Variants in RFX3 observed in about 807,000 individuals in gnomAD.
RFX3 encodes regulatory factor X3.
In RFX3, 14 loss-of-function variants were observed where a neutral mutation model predicts 98.6. The ratio of observed to expected loss-of-function variants is 0.14; its 90% confidence interval spans 0.09 to 0.22. The LOEUF (loss-of-function observed/expected upper bound fraction) is 0.22. RFX3 is among the 10% of genes least tolerant of loss of function. RFX3 has a pLI of 1.00. For missense variants in RFX3, 639 were observed against 926.9 expected, an observed-to-expected ratio of 0.69 and a Z score of 4.03; for synonymous variants, 383 against 328.4, an observed-to-expected ratio of 1.17 and a Z score of -1.80.
intron 14 of RFX3, among the ~76,000 whole-genome samples, chr9:3,252,336 A>G (rs1215966293): frequency 6.6e-6 from 1 of 152,226 alleles, no homozygotes; most frequent in Admixed American, 6.5e-5. Context: ...GACAGTTGGT[A>G]AATACACAAG....
At chr9:3,499,955 C>G (rs1040076798) in intron 1 of RFX3, among the ~76,000 whole-genome samples, 4 of 152,092 alleles carry the variant, frequency 2.6e-5, no homozygotes, top group African/African-American at 9.7e-5. Flanking sequence ...AATAACCTGT[C>G]AACTGCACTA....
chr9:3,244,306 T>A (rs537966105), intron 15 of RFX3, among the ~76,000 whole-genome samples: 1 of 152,150 alleles, frequency 6.6e-6, no homozygotes, highest in African/African-American at 2.4e-5. Flanking sequence ...AAGCCCGGCC[T>A]CTTATTTCAT....
In RFX3 at chr9:3,330,564, T is replaced by C. The variant is rs762248008; in HGVS notation, c.216-47A>G. On this transcript the variant is annotated intron_variant, in intron 3 of 16. Transcript: ENST00000617270. ...GAAATTTACTAGCTTATTTATGTCA[T>C]CTTATTAATTTTTTTCTAATATGAA... The C allele has an allele frequency of 4.6e-6, 7 of 1,527,624 alleles. No homozygotes were observed. In the South Asian group the frequency reaches 7.4e-5, roughly 16 times the overall value. 94.6% of individuals were successfully genotyped at this position (1,527,624 alleles called of 1,614,324 possible).
chr9:3,292,940 G>A, intron 6 of RFX3, 137 bp downstream of exon 6: 1 of 588,242 alleles, frequency 1.7e-6, no homozygotes, highest in South Asian at 3.0e-5. Context: ...TTTTCCTGGG[G>A]ATGTTATAAA....
At chr9:3,308,763 G>A (rs1001013722) in intron 4 of RFX3, among the ~76,000 whole-genome samples, 1 of 152,114 alleles carries the variant, frequency 6.6e-6, no homozygotes, top group Non-Finnish European at 1.5e-5. Flanking sequence ...CCACCCCCAT[G>A]CCATGACTGT....
intron 1 of RFX3, among the ~76,000 whole-genome samples, chr9:3,420,182 T>A (rs1190259114): frequency 7.2e-5 from 11 of 152,130 alleles, no homozygotes. Context: ...TCTTCCAGAT[T>A]TTTGCACTGA....
At chr9:3,281,321 G>C (rs1825886350) in intron 7 of RFX3, among the ~76,000 whole-genome samples, 2 of 146,076 alleles carry the variant, frequency 1.4e-5, no homozygotes, top group South Asian at 4.3e-4. Context: ...CATATCAGGA[G>C]AATAATAAAT....
At chr9:3,352,309 T>A (rs1006653932) in intron 2 of RFX3, among the ~76,000 whole-genome samples, 1 of 151,994 alleles carries the variant, frequency 6.6e-6, no homozygotes, top group African/African-American at 2.4e-5. Context: ...CAAATTCATA[T>A]AAACAAGAAT....
chr9:3,478,783 C>T (rs573960829), intron 1 of RFX3, among the ~76,000 whole-genome samples: 6 of 152,160 alleles, frequency 3.9e-5, no homozygotes, highest in Admixed American at 3.9e-4. Context: ...GGCTAGTTCT[C>T]CAGACTTTCC....
At chr9:3,425,825 C>T (rs868154544) in intron 1 of RFX3, among the ~76,000 whole-genome samples, 20 of 152,278 alleles carry the variant, frequency 1.3e-4, no homozygotes, top group South Asian at 1.2e-3. Context: ...AATCTCTGTT[C>T]ATTTTTCTTT....
chr9:3,312,330 C>T (rs570568961), intron 4 of RFX3, among the ~76,000 whole-genome samples: 5 of 152,250 alleles, frequency 3.3e-5, no homozygotes, highest in Non-Finnish European at 2.9e-5. Flanking sequence ...TAATAAGCAG[C>T]TGAAACAGTA....
At chr9:3,337,969 C>T (rs1330967487) in intron 3 of RFX3, among the ~76,000 whole-genome samples, 6 of 152,172 alleles carry the variant, frequency 3.9e-5, no homozygotes, top group Non-Finnish European at 5.9e-5. Context: ...GCCTGGACCG[C>T]ATGCACTACT....
At chr9:3,478,020 TC>T (rs1426642068) in intron 1 of RFX3, among the ~76,000 whole-genome samples, 11 of 152,168 alleles carry the variant, frequency 7.2e-5, no homozygotes, top group Non-Finnish European at 1.0e-4. Flanking sequence ...TGATACTCTT[TC>T]TCTGGTGAAA....
At chr9:3,505,305 T>A (rs1312605001) in intron 1 of RFX3, among the ~76,000 whole-genome samples, 3 of 99,510 alleles carry the variant, frequency 3.0e-5, no homozygotes, top group Non-Finnish European at 5.2e-5. Context: ...TATATATATA[T>A]AAATATATAT....
At chr9:3,445,531 T>C (rs1845971990) in intron 1 of RFX3, among the ~76,000 whole-genome samples, 1 of 152,092 alleles carries the variant, frequency 6.6e-6, no homozygotes, top group Non-Finnish European at 1.5e-5. Flanking sequence ...ACAAAATCAC[T>C]CCGAGTTCAC....
At chr9:3,327,401 C>A (rs1832041667) in intron 4 of RFX3, among the ~76,000 whole-genome samples, 1 of 152,060 alleles carries the variant, frequency 6.6e-6, no homozygotes, top group Admixed American at 6.6e-5. Context: ...ATCTTCAGTA[C>A]AATTGAGACG....
chr9:3,252,876 G>C (rs995743435), intron 14 of RFX3, among the ~76,000 whole-genome samples: 1 of 152,128 alleles, frequency 6.6e-6, no homozygotes, highest in African/African-American at 2.4e-5. Flanking sequence ...TGAAATTATT[G>C]TCATATGTTT....
rs369367206 is a variant in RFX3, at chr9:3,395,520, T to C, written c.69A>G (p.Gln23=). 7 of 1,614,048 alleles carry C rather than the reference T, an allele frequency of 4.3e-6. No homozygotes were observed. The African/African-American group carries it at 8.0e-5, about 18-fold the overall frequency. Residue 23 remains glutamine, a synonymous_variant, in exon 2 of 17, where the codon CAA becomes CAG. Coordinates refer to ENST00000617270, the MANE Select transcript of RFX3 (RefSeq NM_001282116.2). ...TVTLQTSVAS[Q]AAVPTQVVQQ... ...GTACCACCTGCGTAGGCACTGCTGC[T>C]TGACTAGCCACAGATGTTTGTAAGG...
rs557913402 is a variant in RFX3, at chr9:3,507,930, C to T, written c.-9+17817G>A. On this transcript the variant is annotated intron_variant, in intron 1 of 16. Coordinates refer to ENST00000617270, the MANE Select transcript of RFX3 (RefSeq NM_001282116.2). ...AAGTACAGAGAAAAGTGGTGAAATACAAGTTTGAAAATGGACATGAGACTA... is the reference window on the plus strand; with the variant it reads ...AAGTACAGAGAAAAGTGGTGAAATATAAGTTTGAAAATGGACATGAGACTA... 6.4e-4 allele frequency among the ~76,000 whole-genome samples: 96 copies of T among 150,198 alleles called. No homozygotes were observed. In the South Asian group the frequency reaches 0.016, roughly 25 times the overall value.
Sources: allele counts gnomAD v4.1 joint callset (sites outside exome capture counted in the v4.1 genomes callset), GRCh38; gene constraint gnomAD v4.1.1; transcripts MANE v1.5; gene names NCBI Gene and HGNC (gene_info 2026-07-23, HGNC 2026-07-21).